Variants in RGS22 observed in about 807,000 individuals in gnomAD.
The protein encoded by RGS22 is regulator of G-protein signaling 22.
A neutral mutation model predicts 172.9 loss-of-function variants in RGS22; 148 were observed. The ratio of observed to expected loss-of-function variants is 0.86; its 90% CI spans 0.75 to 0.98. RGS22 has a LOEUF of 0.98. RGS22 is among the 50% of genes least tolerant of loss of function. The pLI is 0.00. For missense variants in RGS22, 1,347 were observed against 1,440.8 expected (o/e 0.93, Z 1.05); for synonymous variants, 458 against 480.2 (o/e 0.95, Z 0.60).
intron 14 of RGS22, among the ~76,000 whole-genome samples, chr8:100,025,363 T>C (rs3133685): frequency 0.019 from 2,925 of 152,252 alleles, 89 homozygotes; most frequent in East Asian, 0.11. Flanking sequence ...TGCCCAGCAC[T>C]CCAGAAACAA....
At chr8:100,070,036 A>AT in intron 6 of RGS22, among the ~76,000 whole-genome samples, 1 of 149,886 alleles carries the variant, frequency 6.7e-6, no homozygotes, top group African/African-American at 2.4e-5. Flanking sequence ...TCAAAAAAAA[A>AT]AAAAAAAAAA....
intron 14 of RGS22, among the ~76,000 whole-genome samples, chr8:100,036,677 C>CA (rs1819509014): frequency 6.6e-6 from 1 of 152,170 alleles, no homozygotes; most frequent in East Asian, 1.9e-4. Flanking sequence ...TAGCTTACTG[C>CA]AGCCTTGAAC....
At chr8:100,027,863 T>G (rs746686019) in intron 14 of RGS22, among the ~76,000 whole-genome samples, 1 of 152,198 alleles carries the variant, frequency 6.6e-6, no homozygotes, top group Non-Finnish European at 1.5e-5. Context: ...TTTTCCTTCC[T>G]CATTATCCAG....
chr8:100,030,794 T>C lies in RGS22; in HGVS notation c.2166+8137A>G, dbSNP rs150366955. Among the ~76,000 whole-genome samples the C allele has an allele frequency of 4.0e-4, 61 of 152,200 alleles. 1 individual carries two copies. Among genetic ancestry groups the C allele is most frequent in the Middle Eastern group, 3.4e-3 (1 of 294 alleles). The stretch of plus-strand genomic sequence containing the variant: ...CTCTAATGGAAAAACTACTAAAGGA[T>C]AGTCTTCAGGAATTAAACTGAAAGT... On this transcript the variant is annotated intron_variant, in intron 14 of 27. Transcript: ENST00000360863.
chr8:100,027,396 C>A (rs940865181), intron 14 of RGS22, among the ~76,000 whole-genome samples: 1 of 152,150 alleles, frequency 6.6e-6, no homozygotes, highest in Admixed American at 6.5e-5. Flanking sequence ...GCAGGCTTCT[C>A]AGTGAATGTT....
intron 6 of RGS22, among the ~76,000 whole-genome samples, chr8:100,070,044 A>C (rs1007904350): frequency 0.039 from 5,111 of 130,728 alleles, 168 homozygotes; most frequent in Non-Finnish European, 0.062. Flanking sequence ...AAAAAAAAAA[A>C]AAAACAAAAC....
chr8:100,051,845 T>A (rs1194189450), intron 10 of RGS22, among the ~76,000 whole-genome samples: 1 of 54,282 alleles, frequency 1.8e-5, no homozygotes, highest in African/African-American at 1.0e-4. Flanking sequence ...GTTTATATAT[T>A]TATATATTTA....
intron 23 of RGS22, among the ~76,000 whole-genome samples, chr8:99,974,639 A>T (rs1811729772): frequency 1.3e-5 from 2 of 151,416 alleles, no homozygotes; most frequent in African/African-American, 4.9e-5. Flanking sequence ...CTCTACTAAA[A>T]ATACAAAAAT....
chr8:100,046,855 G>A (rs1820778817), intron 11 of RGS22, among the ~76,000 whole-genome samples: 1 of 151,326 alleles, frequency 6.6e-6, no homozygotes, highest in African/African-American at 2.4e-5. Flanking sequence ...TCACTCTGTC[G>A]CCCAGGCTAG....
chr8:99,973,742 G>A (rs1399467860), intron 23 of RGS22, among the ~76,000 whole-genome samples: 46 of 151,718 alleles, frequency 3.0e-4, no homozygotes, highest in African/African-American at 9.9e-4. Context: ...AGTGGCGGGC[G>A]CCTGTAATCC....
At chr8:100,102,301 C>T (rs1813558052) in intron 2 of RGS22, among the ~76,000 whole-genome samples, 1 of 152,122 alleles carries the variant, frequency 6.6e-6, no homozygotes, top group Admixed American at 6.5e-5. Context: ...GTTCTGTGAC[C>T]ATGTTTGGCT....
At chr8:100,096,615 T>G (rs1477321614) in intron 2 of RGS22, among the ~76,000 whole-genome samples, 1 of 151,840 alleles carries the variant, frequency 6.6e-6, no homozygotes, top group Admixed American at 6.6e-5. Flanking sequence ...CAATTTTTTT[T>G]TTTTTTGAGA....
At chr8:99,979,395 G>T (rs1812310591) in intron 22 of RGS22, among the ~76,000 whole-genome samples, 1 of 152,178 alleles carries the variant, frequency 6.6e-6, no homozygotes, top group African/African-American at 2.4e-5. Context: ...AATTGAGATT[G>T]TAGGTTAATA....
chr8:100,097,306 G>A (rs1375871181), intron 2 of RGS22, among the ~76,000 whole-genome samples: 2 of 152,132 alleles, frequency 1.3e-5, no homozygotes, highest in Non-Finnish European at 2.9e-5. Context: ...GCATTTCAGT[G>A]TATAAATTGT....
intron 14 of RGS22, among the ~76,000 whole-genome samples, chr8:100,021,123 T>C (rs1339889803): frequency 1.3e-5 from 2 of 152,156 alleles, no homozygotes; most frequent in East Asian, 1.9e-4. Flanking sequence ...AGAAATAAAG[T>C]AGGAAAAAAC....
At chr8:99,961,264 C>A in intron 27 of RGS22, 68 bp from the exon 28 acceptor site, 1 of 427,878 alleles carries the variant, frequency 2.3e-6, no homozygotes, top group Non-Finnish European at 4.6e-6. Context: ...AATATAAATG[C>A]AAAACAACAA....
In RGS22 at chr8:99,965,328, T is replaced by C; in HGVS notation, c.3615+7A>G. 1 of 1,604,804 alleles carries C rather than the reference T, an allele frequency of 6.2e-7. No homozygotes were observed. Among genetic ancestry groups the C allele is most frequent in the Non-Finnish European group, 8.5e-7 (1 of 1,171,754 alleles). The stretch of plus-strand genomic sequence containing the variant: ...GAAATGAGGTCTGCACCATCTTGCA[T>C]GCTTACCTGTCGGCCATATGGTTGG... On this transcript the variant is annotated splice_region_variant and intron_variant, in intron 24 of 27. Transcript: ENST00000360863.
chr8:99,960,957 T>G lies in RGS22; in HGVS notation c.*285A>C, dbSNP rs930921989. 9.2e-6 allele frequency: 2 copies of G among 218,522 alleles called. No individual in the cohort carries two copies. The highest frequency in any genetic ancestry group is 1.9e-5 in the Non-Finnish European group (2 of 108,058). 13.5% of individuals were successfully genotyped at this position (218,522 alleles called of 1,614,324 possible). ...AACATTTTGGTTCTTCAAACCTAGA[T>G]AGTAGTTGTTTTATTCTAAATAAGT... On this transcript the variant is annotated 3_prime_UTR_variant, in exon 28 of 28. Coordinates refer to ENST00000360863, the MANE Select transcript of RGS22 (RefSeq NM_015668.5).
chr8:100,052,121 T>TAA (rs371551066), intron 10 of RGS22, among the ~76,000 whole-genome samples: 809 of 35,390 alleles, frequency 0.023, 214 homozygotes, highest in Non-Finnish European at 0.027. Flanking sequence ...TTATATATAT[T>TAA]TATATATAAA....
Sources: allele counts gnomAD v4.1 joint callset (sites outside exome capture counted in the v4.1 genomes callset), GRCh38; gene constraint gnomAD v4.1.1; transcripts MANE v1.5; gene names NCBI Gene and HGNC (gene_info 2026-07-23, HGNC 2026-07-21).